The following MDGA2 variants were observed in gnomAD, a reference collection of about 807,000 sequenced individuals.
The protein encoded by MDGA2 is MAM domain-containing glycosylphosphatidylinositol anchor protein 2.
A neutral mutation model predicts 117.8 loss-of-function variants in MDGA2; 40 were observed. That is an observed-to-expected ratio of 0.34 (90% CI 0.26 to 0.44). MDGA2 has a LOEUF of 0.44. Ranked by LOEUF, MDGA2 falls within the 20% of genes least tolerant of loss-of-function variation. The pLI is 1.00. For synonymous variants in MDGA2, 452 were observed against 439.0 expected (o/e 1.03, Z -0.37); for missense variants, 1,123 against 1,250.6 (o/e 0.90, Z 1.54).
chr14:47,419,629 G>C (rs1394889120), intron 1 of MDGA2, among the ~76,000 whole-genome samples: 2 of 151,966 alleles, frequency 1.3e-5, no homozygotes, highest in Admixed American at 6.6e-5. Flanking sequence ...ACATATGCCA[G>C]CTATAATTCT....
In MDGA2 at chr14:47,569,121, C is replaced by T. The variant is rs1345058689; in HGVS notation, c.280+105396G>A. ...TACCTTTATTTGCTTTTCAAAATAACACTCTCTGTCAGCACCATAAGACAG... is the reference window on the plus strand; with the variant it reads ...TACCTTTATTTGCTTTTCAAAATAATACTCTCTGTCAGCACCATAAGACAG... On this transcript the variant is annotated intron_variant, in intron 1 of 16. Transcript: ENST00000399232. Among the ~76,000 whole-genome samples the T allele has an allele frequency of 4.0e-5, 6 of 151,866 alleles. No individual in the cohort carries two copies. In the East Asian group the frequency reaches 1.2e-3, roughly 29 times the overall value.
intron 4 of MDGA2, among the ~76,000 whole-genome samples, chr14:47,139,881 C>CAT (rs1459781029): frequency 4.2e-5 from 6 of 141,958 alleles, no homozygotes; most frequent in East Asian, 4.0e-4. Context: ...TACACACACA[C>CAT]ACATATATAT....
intron 8 of MDGA2, among the ~76,000 whole-genome samples, chr14:46,959,277 G>C (rs1013667718): frequency 1.1e-4 from 16 of 145,548 alleles, no homozygotes; most frequent in Admixed American, 2.1e-4. Flanking sequence ...GTGTGTGTGT[G>C]TGTGTGTGTG....
intron 9 of MDGA2, among the ~76,000 whole-genome samples, chr14:46,925,913 A>ATGTTATAGAT (rs1340982383): frequency 6.6e-6 from 1 of 152,166 alleles, no homozygotes; most frequent in Admixed American, 6.6e-5. Context: ...AAAAATGAAT[A>ATGTTATAGAT]TGTTATAGAT....
At chr14:46,931,628 T>A (rs1454723828) in intron 9 of MDGA2, among the ~76,000 whole-genome samples, 1 of 151,524 alleles carries the variant, frequency 6.6e-6, no homozygotes, top group Non-Finnish European at 1.5e-5. Context: ...GTTCCAGTGA[T>A]TCTCCTGCCT....
In MDGA2 at chr14:47,301,506, T is replaced by C. The variant is rs901272032; in HGVS notation, c.325A>G (p.Ile109Val). The C allele has an allele frequency of 3.2e-6, 5 of 1,551,640 alleles. No homozygotes were observed. Among genetic ancestry groups the C allele is most frequent in the Non-Finnish European group, 4.4e-6 (5 of 1,146,982 alleles). The change falls in exon 2 of 17, where the codon ATT becomes GTT. Residue 109 changes from isoleucine to valine, a missense_variant. Physicochemically the swap from Ile to Val is conservative, Grantham distance 29. Coordinates refer to ENST00000399232, the MANE Select transcript of MDGA2 (RefSeq NM_001113498.3). Reference sequence around the variant, plus strand: ...CTTTCGGAGTAGCGCTCCTCTTCAATGTTACAGGCCAAGCCTGAGTGCACA... The same window carrying C: ...CTTTCGGAGTAGCGCTCCTCTTCAACGTTACAGGCCAAGCCTGAGTGCACA... ...RIVHSGLACN[I>V]EEERYSERVY...
intron 7 of MDGA2, among the ~76,000 whole-genome samples, chr14:47,052,889 C>T (rs554380863): frequency 4.6e-5 from 7 of 151,846 alleles, no homozygotes; most frequent in South Asian, 2.1e-4. Flanking sequence ...CTCTCCTTTC[C>T]TCTCTTCCTC....
At chr14:47,343,358 G>A (rs1017218240) in intron 1 of MDGA2, 6 of 721,142 alleles carry the variant, frequency 8.3e-6, no homozygotes, top group African/African-American at 5.8e-5. Context: ...CTCAAAGGAG[G>A]ACAGAAAGTG....
At chr14:46,946,250 G>A (rs1204782464) in intron 9 of MDGA2, among the ~76,000 whole-genome samples, 1 of 151,992 alleles carries the variant, frequency 6.6e-6, no homozygotes, top group East Asian at 1.9e-4. Flanking sequence ...ACAGATATTG[G>A]AGGGGAGATT....
intron 7 of MDGA2, among the ~76,000 whole-genome samples, chr14:47,037,023 T>A (rs1888880846): frequency 1.3e-5 from 2 of 152,252 alleles, no homozygotes; most frequent in Admixed American, 1.3e-4. Flanking sequence ...GGCTCCATTT[T>A]ATAAACCCAA....
intron 3 of MDGA2, among the ~76,000 whole-genome samples, chr14:47,189,291 C>A (rs1028448517): frequency 1.3e-5 from 2 of 152,046 alleles, no homozygotes; most frequent in African/African-American, 4.8e-5. Context: ...TTTATCGGTG[C>A]TGCTACTGCA....
intron 1 of MDGA2, among the ~76,000 whole-genome samples, chr14:47,522,892 A>G (rs115833439): frequency 0.014 from 2,180 of 152,334 alleles, 41 homozygotes; most frequent in African/African-American, 0.049. Flanking sequence ...AAAATTGATT[A>G]GCATCTTTGG....
Position 46,874,036 on chromosome 14 carries a change from C to T in MDGA2, c.2593+9G>A, listed in dbSNP as rs1217006710. ...ATTGCTATGAACACAAAAGGTCATA[C>T]CCCCATACCTTCTTTGGAGCCACTA... On this transcript the variant is annotated intron_variant, in intron 13 of 16. Coordinates refer to ENST00000399232, the MANE Select transcript of MDGA2 (RefSeq NM_001113498.3). 1.3e-6 allele frequency: 2 copies of T among 1,535,014 alleles called. No individual in the cohort carries two copies. The highest frequency in any genetic ancestry group is 1.4e-5 in the African/African-American group (1 of 69,698).
intron 10 of MDGA2, among the ~76,000 whole-genome samples, chr14:46,911,095 G>A (rs771431296): frequency 2.0e-5 from 3 of 152,196 alleles, no homozygotes; most frequent in South Asian, 2.1e-4. Context: ...AAACCCCCAT[G>A]AAACAAGTTT....
intron 1 of MDGA2, among the ~76,000 whole-genome samples, chr14:47,588,526 T>C (rs1472454199): frequency 6.6e-6 from 1 of 151,848 alleles, no homozygotes; most frequent in East Asian, 1.9e-4. Context: ...AATCTGTGTA[T>C]CTTCCTTGAA....
At chr14:46,887,526 T>C (rs1176522707) in intron 10 of MDGA2, among the ~76,000 whole-genome samples, 1 of 152,008 alleles carries the variant, frequency 6.6e-6, no homozygotes, top group Non-Finnish European at 1.5e-5. Flanking sequence ...ATACAATGTA[T>C]TTTTAACTGG....
chr14:47,108,490 A>G (rs1457292758), intron 5 of MDGA2, among the ~76,000 whole-genome samples: 1 of 152,118 alleles, frequency 6.6e-6, no homozygotes, highest in Admixed American at 6.5e-5. Context: ...GCCTTAACTG[A>G]TGACATTACC....
chr14:47,354,668 T>C (rs1461773712), intron 1 of MDGA2, among the ~76,000 whole-genome samples: 1 of 152,188 alleles, frequency 6.6e-6, no homozygotes, highest in Non-Finnish European at 1.5e-5. Context: ...TTTTCTTTAC[T>C]TGTTGCAAAT....
intron 1 of MDGA2, among the ~76,000 whole-genome samples, chr14:47,307,924 A>AAGCTAAAG (rs1016197425): frequency 2.2e-4 from 34 of 152,246 alleles, no homozygotes; most frequent in East Asian, 2.1e-3. Flanking sequence ...TTAACTAGAG[A>AAGCTAAAG]AGCTAAAGAA....
Sources: allele counts gnomAD v4.1 joint callset (sites outside exome capture counted in the v4.1 genomes callset), GRCh38; gene constraint gnomAD v4.1.1; transcripts MANE v1.5; gene names NCBI Gene and HGNC (gene_info 2026-07-23, HGNC 2026-07-21).